UTRN: variants seen among roughly 807,000 people sequenced by gnomAD.
UTRN encodes the protein utrophin.
Under a neutral mutation model 463.9 loss-of-function variants are expected in UTRN, and 283 were observed. The ratio of observed to expected loss-of-function variants is 0.61; its 90% confidence interval spans 0.55 to 0.67. The LOEUF (loss-of-function observed/expected upper bound fraction) is 0.67, where lower values mean the gene tolerates loss of function less well. Ranked by LOEUF, UTRN falls within the 30% of genes least tolerant of loss-of-function variation. The pLI, the probability that UTRN is intolerant of heterozygous loss-of-function variation, is 0.00. For synonymous variants in UTRN, 1,442 were observed against 1,431.5 expected (o/e 1.01, Z -0.17); for missense variants, 3,922 against 4,084.3 (o/e 0.96, Z 1.08).
chr6:144,347,900 G>A (rs896014872), intron 2 of UTRN, among the ~76,000 whole-genome samples: 7 of 148,496 alleles, frequency 4.7e-5, no homozygotes, highest in Non-Finnish European at 7.4e-5. Context: ...CTGGAGTGCA[G>A]TGACACAGTC....
intron 51 of UTRN, among the ~76,000 whole-genome samples, chr6:144,674,224 T>A (rs1457760657): frequency 6.6e-6 from 1 of 152,086 alleles, no homozygotes; most frequent in Non-Finnish European, 1.5e-5. Context: ...CATTGATTTT[T>A]TTTTTTCAAA....
intron 65 of UTRN, among the ~76,000 whole-genome samples, chr6:144,806,456 C>A: frequency 6.6e-6 from 1 of 152,146 alleles, no homozygotes; most frequent in Non-Finnish European, 1.5e-5. Context: ...AGGTCACTTT[C>A]TGCATTTGAC....
At chr6:144,468,248 G>A (rs539571528) in intron 23 of UTRN, among the ~76,000 whole-genome samples, 5 of 152,216 alleles carry the variant, frequency 3.3e-5, no homozygotes, top group Admixed American at 2.6e-4. Flanking sequence ...TAGGGTCAGA[G>A]GAATTGTTTT....
intron 5 of UTRN, 140 bp from the exon 6 acceptor site, chr6:144,423,846 T>G: frequency 1.0e-6 from 1 of 958,920 alleles, no homozygotes. Context: ...AGATTTAAGC[T>G]TACCTGATTC....
At chr6:144,801,598 C>T (rs1777704947) in intron 64 of UTRN, among the ~76,000 whole-genome samples, 1 of 151,982 alleles carries the variant, frequency 6.6e-6, no homozygotes, top group Admixed American at 6.6e-5. Context: ...TAATTACTTC[C>T]AAATAAAATG....
intron 53 of UTRN, among the ~76,000 whole-genome samples, chr6:144,705,715 A>G (rs1032806834): frequency 1.3e-5 from 2 of 152,224 alleles, no homozygotes; most frequent in African/African-American, 4.8e-5. Context: ...TCTACACAGA[A>G]TTGTTCTGAC....
chr6:144,652,498 G>A (rs778598806), intron 51 of UTRN, among the ~76,000 whole-genome samples: 2 of 152,168 alleles, frequency 1.3e-5, no homozygotes, highest in Non-Finnish European at 1.5e-5. Flanking sequence ...GTCTAGGTGG[G>A]ATCACTTAAA....
intron 53 of UTRN, among the ~76,000 whole-genome samples, chr6:144,702,576 A>G (rs1193815708): frequency 1.3e-5 from 2 of 152,222 alleles, no homozygotes; most frequent in East Asian, 3.9e-4. Flanking sequence ...AGCAAGGTCA[A>G]GAAGATACAG....
At chr6:144,406,380 G>GACAC (rs1404481526) in intron 3 of UTRN, among the ~76,000 whole-genome samples, 38 of 105,346 alleles carry the variant, frequency 3.6e-4, no homozygotes, top group African/African-American at 1.5e-3. Context: ...TTTTTTTTGA[G>GACAC]ACACAGTCTA....
At chr6:144,549,206 T>G (rs1288828078) in intron 47 of UTRN, among the ~76,000 whole-genome samples, 1 of 152,238 alleles carries the variant, frequency 6.6e-6, no homozygotes, top group Non-Finnish European at 1.5e-5. Context: ...CAACTTATAT[T>G]TCATAATGAG....
At chr6:144,495,187 C>T (rs1011378911) in intron 33 of UTRN, among the ~76,000 whole-genome samples, 10 of 152,104 alleles carry the variant, frequency 6.6e-5, no homozygotes, top group South Asian at 2.1e-4. Flanking sequence ...GAGTGGGCGC[C>T]GTGGAGCAGG....
intron 3 of UTRN, among the ~76,000 whole-genome samples, chr6:144,406,498 C>A (rs80159208): frequency 0.011 from 1,631 of 152,080 alleles, 34 homozygotes; most frequent in African/African-American, 0.038. Flanking sequence ...TCCCTAGTAG[C>A]TGGGATTATG....
chr6:144,352,075 A>T (rs1778155672), intron 2 of UTRN, among the ~76,000 whole-genome samples: 1 of 151,880 alleles, frequency 6.6e-6, no homozygotes, highest in Non-Finnish European at 1.5e-5. Context: ...ATTGGCCATT[A>T]CTCTCTTTCT....
rs371082706 is a variant in UTRN, at chr6:144,426,397, C to T, written c.516C>T (p.Val172=). ...CCAGGCCCTACAGCCAAGTCAACGT[C>T]CTCAACTTCACCACCAGCTGGACAG... The part of the protein sequence containing the change: ...QTTRPYSQVN[V]LNFTTSWTDG... Residue 172 remains valine, a synonymous_variant, in exon 7 of 75, where the codon GTC becomes GTT. Coordinates refer to ENST00000367545, the MANE Select transcript of UTRN (RefSeq NM_007124.3). 8 of 1,614,180 alleles carry T rather than the reference C, an allele frequency of 5.0e-6. No homozygotes were observed. The highest frequency in any genetic ancestry group is 6.8e-6 in the Non-Finnish European group (8 of 1,180,032).
chr6:144,360,382 A>G lies in UTRN; in HGVS notation c.80-42741A>G, dbSNP rs186307920. On this transcript the variant is annotated intron_variant, in intron 2 of 74. Transcript: ENST00000367545. ...GAAACGGGGTTTCACCATGTTGGCC[A>G]GGCTGGTCTCAAACTCCTGACCTCA... Among the ~76,000 whole-genome samples the G allele has an allele frequency of 1.5e-4, 23 of 152,242 alleles. No homozygotes were observed. In the East Asian group the frequency reaches 3.7e-3, roughly 24 times the overall value.
chr6:144,732,232 A>ATG (rs1562832224), intron 54 of UTRN, among the ~76,000 whole-genome samples: 6 of 28,756 alleles, frequency 2.1e-4, no homozygotes, highest in African/African-American at 7.3e-4. Context: ...ATATATATAT[A>ATG]TATATACATA....
Position 144,516,322 on chromosome 6 carries a change from A to G in UTRN, c.5338A>G (p.Asn1780Asp). The change falls in exon 38 of 75, where the codon AAT (asparagine) becomes GAT (aspartate). Residue 1780 changes from asparagine to aspartate, a missense_variant. Physicochemically the swap from Asn to Asp is conservative, Grantham distance 23. Around this residue, in one of 3 missense-constraint regions of UTRN, gnomAD observed 2,349 missense variants for 2,303.8 expected, o/e 1.02. Coordinates refer to ENST00000367545, the MANE Select transcript of UTRN (RefSeq NM_007124.3). Reference protein sequence around the residue: ...VPFSDLEKLENDIENMLKFVE... With the variant: ...VPFSDLEKLEDDIENMLKFVE... ...TTTCTCTGACTTGGAAAAATTAGAA[A>G]ATGACATAGAAAATATGTTAAAATT... The G allele has an allele frequency of 6.2e-7, 1 of 1,613,848 alleles. No individual in the cohort carries two copies. The highest frequency in any genetic ancestry group is 1.1e-5 in the South Asian group (1 of 91,062).
At chr6:144,297,090 TAA>T (rs113471036) in intron 2 of UTRN, among the ~76,000 whole-genome samples, 8 of 144,200 alleles carry the variant, frequency 5.5e-5, no homozygotes, top group Admixed American at 6.9e-5. Flanking sequence ...GAGCTGAAGT[TAA>T]AAAAAAAAAA....
chr6:144,774,838 A>G (rs1346215667), intron 60 of UTRN, among the ~76,000 whole-genome samples: 4 of 152,220 alleles, frequency 2.6e-5, no homozygotes, highest in Non-Finnish European at 1.5e-5. Context: ...ATATATCTTG[A>G]GACATTTAGT....
Sources: gnomAD v4.1 joint callset for allele counts (sites outside exome capture counted in the v4.1 genomes callset) on GRCh38, gnomAD v4.1.1 for gene constraint, gnomAD v4.1.1 regional missense constraint, MANE v1.5 for transcripts, NCBI Gene and HGNC (gene_info 2026-07-23, HGNC 2026-07-21) for gene names.